Variants in AGBL1 observed in about 807,000 individuals in gnomAD.
AGBL1 encodes AGBL carboxypeptidase 1, also known as cytosolic carboxypeptidase 4.
Under a neutral mutation model 118.9 loss-of-function variants are expected in AGBL1, and 130 were observed. That is an observed-to-expected ratio of 1.09 (90% CI 0.95 to 1.26). The LOEUF (loss-of-function observed/expected upper bound fraction) is 1.26. Among genes scored for constraint, AGBL1 ranks in the 50% most tolerant of loss-of-function variants. The pLI, the probability that AGBL1 is intolerant of heterozygous loss-of-function variation, is 0.00. For synonymous variants in AGBL1, 555 were observed against 478.9 expected, an observed-to-expected ratio of 1.16 and a Z score of -2.08; for missense variants, 1,584 against 1,298.1, an observed-to-expected ratio of 1.22 and a Z score of -3.38.
chr15:86,871,787 C>T (rs754529962), intron 22 of AGBL1, among the ~76,000 whole-genome samples: 282 of 152,244 alleles, frequency 1.9e-3, no homozygotes, highest in Non-Finnish European at 2.9e-3. Context: ...TCCAAGAACT[C>T]CGGAGACCTA....
At chr15:86,324,377 G>A (rs934412597) in intron 17 of AGBL1, among the ~76,000 whole-genome samples, 1 of 152,192 alleles carries the variant, frequency 6.6e-6, no homozygotes, top group African/African-American at 2.4e-5. Flanking sequence ...TGTAGGGGTA[G>A]GTGTTTCCCA....
intron 22 of AGBL1, among the ~76,000 whole-genome samples, chr15:86,719,273 T>C (rs1567138621): frequency 6.6e-6 from 1 of 152,288 alleles, no homozygotes; most frequent in East Asian, 1.9e-4. Context: ...AGCAGTCAGA[T>C]AGGAGACAAC....
intron 23 of AGBL1, among the ~76,000 whole-genome samples, chr15:86,954,378 T>C (rs549562842): frequency 2.4e-4 from 37 of 152,294 alleles, no homozygotes; most frequent in South Asian, 6.2e-4. Flanking sequence ...CTATTCACAA[T>C]AGCAATGACA....
chr15:86,264,306 T>A lies in AGBL1; in HGVS notation c.1135T>A (p.Tyr379Asn), dbSNP rs1394973344. The A allele has an allele frequency of 6.2e-7, 1 of 1,610,014 alleles. No individual in the cohort carries two copies. The highest frequency in any genetic ancestry group is 1.7e-5 in the Admixed American group (1 of 59,374). The part of the protein sequence containing the change: ...GDDLNSEKTQ[Y>N]ANHHHIPAAA... ...TGATTTGAACTCTGAAAAGACTCAG[T>A]ATGCCAATCACCACCACATTCCAGC... The change falls in exon 11 of 23, where the codon TAT becomes AAT. Residue 379 changes from tyrosine to asparagine, a missense_variant. Coordinates refer to ENST00000614907, the MANE Select transcript of AGBL1 (RefSeq NM_001386094.1).
chr15:87,001,441 T>C (rs986360670), intron 24 of AGBL1, among the ~76,000 whole-genome samples: 1 of 152,102 alleles, frequency 6.6e-6, no homozygotes, highest in South Asian at 2.1e-4. Flanking sequence ...ACAATAAATA[T>C]GTGTGCATGT....
intron 22 of AGBL1, among the ~76,000 whole-genome samples, chr15:86,759,082 G>T (rs987837556): frequency 6.6e-6 from 1 of 151,376 alleles, no homozygotes; most frequent in Non-Finnish European, 1.5e-5. Context: ...AGTTTAAATT[G>T]TATCTTCTTA....
At chr15:87,008,697 A>G (rs191187679) in intron 24 of AGBL1, among the ~76,000 whole-genome samples, 2 of 152,280 alleles carry the variant, frequency 1.3e-5, no homozygotes, top group East Asian at 3.9e-4. Context: ...AATGGCTTTG[A>G]CCAAAATGAT....
At chr15:86,433,019 C>CA (rs2081954577) in intron 18 of AGBL1, among the ~76,000 whole-genome samples, 1 of 152,134 alleles carries the variant, frequency 6.6e-6, no homozygotes, top group Non-Finnish European at 1.5e-5. Flanking sequence ...CGTGCACATT[C>CA]AAGATGCTAA....
intron 1 of AGBL1, among the ~76,000 whole-genome samples, chr15:86,113,755 G>T (rs537631813): frequency 2.0e-4 from 31 of 152,234 alleles, no homozygotes; most frequent in African/African-American, 5.5e-4. Flanking sequence ...CTCACTATGC[G>T]AAGTGAACAA....
At chr15:86,225,028 T>G (rs1307640372) in intron 6 of AGBL1, 77 bp downstream of exon 6, 9 of 1,409,522 alleles carry the variant, frequency 6.4e-6, no homozygotes, top group Non-Finnish European at 8.8e-6. Context: ...TCCCCATGGC[T>G]GTTTCTTTTT....
At chr15:86,345,449 C>T (rs557407951) in intron 17 of AGBL1, among the ~76,000 whole-genome samples, 33 of 152,166 alleles carry the variant, frequency 2.2e-4, no homozygotes, top group African/African-American at 6.7e-4. Context: ...AATTTATTTT[C>T]GTATGAACAT....
intron 17 of AGBL1, among the ~76,000 whole-genome samples, chr15:86,344,423 C>G (rs1223162611): frequency 1.3e-5 from 2 of 152,162 alleles, no homozygotes; most frequent in East Asian, 3.9e-4. Flanking sequence ...CCAGAGGACA[C>G]CATTCCCATC....
chr15:86,965,090 AT>A (rs2081035902), intron 23 of AGBL1, among the ~76,000 whole-genome samples: 1 of 152,166 alleles, frequency 6.6e-6, no homozygotes, highest in Admixed American at 6.6e-5. Context: ...TGCAATAAAC[AT>A]ACATGTGCAT....
chr15:86,644,295 G>C (rs979429357), intron 21 of AGBL1, among the ~76,000 whole-genome samples: 2 of 152,110 alleles, frequency 1.3e-5, no homozygotes, highest in African/African-American at 4.8e-5. Context: ...TACTTGGGGA[G>C]GCTGAGGCAA....
intron 1 of AGBL1, among the ~76,000 whole-genome samples, chr15:86,108,625 G>A (rs373996601): frequency 3.3e-5 from 5 of 152,134 alleles, no homozygotes; most frequent in African/African-American, 1.2e-4. Context: ...GAGGTCAAGA[G>A]AGATGACTGG....
chr15:86,096,624 C>G (rs569040190), intron 1 of AGBL1, among the ~76,000 whole-genome samples: 1 of 152,204 alleles, frequency 6.6e-6, no homozygotes, highest in African/African-American at 2.4e-5. Flanking sequence ...TAAATGCTAT[C>G]CAGAAGCTTG....
At chr15:86,925,024 C>G (rs961497167) in intron 23 of AGBL1, among the ~76,000 whole-genome samples, 2 of 151,676 alleles carry the variant, frequency 1.3e-5, no homozygotes, top group Non-Finnish European at 2.9e-5. Flanking sequence ...ATCGCTTGAA[C>G]CCGGGAGGTG....
chr15:86,972,449 T>A (rs975061921), intron 23 of AGBL1, among the ~76,000 whole-genome samples: 3 of 152,092 alleles, frequency 2.0e-5, no homozygotes, highest in African/African-American at 7.2e-5. Context: ...CTATTGCAGA[T>A]AAAGATATGT....
At chr15:86,868,280 G>A (rs557531921) in intron 22 of AGBL1, among the ~76,000 whole-genome samples, 27 of 152,296 alleles carry the variant, frequency 1.8e-4, no homozygotes, top group East Asian at 9.7e-4. Flanking sequence ...CTGTGAGGTC[G>A]CCAGAGGACT....
Sources: allele counts gnomAD v4.1 joint callset (sites outside exome capture counted in the v4.1 genomes callset), GRCh38; gene constraint gnomAD v4.1.1; transcripts MANE v1.5; gene names NCBI Gene and HGNC (gene_info 2026-07-23, HGNC 2026-07-21).